Variants in RAP2A observed in about 807,000 individuals in gnomAD.
The protein encoded by RAP2A is RAP2A, member of RAS oncogene family.
Under a neutral mutation model 15.1 loss-of-function variants are expected in RAP2A, and 5 were observed. The observed-to-expected ratio is 0.33, with a 90% CI of 0.17 to 0.70. The LOEUF is 0.70. Among genes scored for constraint, RAP2A ranks in the 30% least tolerant of loss-of-function variants. The probability of loss-of-function intolerance (pLI) is 0.68; values close to 1 mark genes in which losing one functional copy is unlikely to be tolerated. For synonymous variants in RAP2A, 110 were observed against 99.7 expected (o/e 1.10, Z -0.62); for missense variants, 111 against 240.3 (o/e 0.46, Z 3.56).
chr13:97,435,314 A>G (rs1056422663), intron 1 of RAP2A, among the ~76,000 whole-genome samples: 1 of 152,210 alleles, frequency 6.6e-6, no homozygotes, highest in South Asian at 2.1e-4. Context: ...CTTTAAAGAC[A>G]GATTATTAAA....
intron 1 of RAP2A, among the ~76,000 whole-genome samples, chr13:97,458,758 A>G (rs2066734498): frequency 6.6e-6 from 1 of 152,156 alleles, no homozygotes; most frequent in African/African-American, 2.4e-5. Context: ...ACATATCAGG[A>G]CAGTTACAAG....
chr13:97,454,871 T>C lies in RAP2A; in HGVS notation c.315-9334T>C, dbSNP rs1026035578. Among the ~76,000 whole-genome samples, 9 of 151,420 alleles carry C rather than the reference T, an allele frequency of 5.9e-5. No homozygotes were observed. The East Asian group carries it at 1.7e-3, about 29-fold the overall frequency. On this transcript the variant is annotated intron_variant, in intron 1 of 1. Transcript: ENST00000245304. ...TATTTTCCTTTAGTTCTGAAGGATA[T>C]TTTTGCTGATACAGTATTCTGTGTT...
At position 97,434,386 on chromosome 13, in the gene RAP2A, C is replaced by CGCCGGG. The variant is rs1264193823; in HGVS notation, c.-76_-71dup. 3 of 996,730 alleles carry CGCCGGG rather than the reference C, an allele frequency of 3.0e-6. No individual in the cohort carries two copies. Among genetic ancestry groups the CGCCGGG allele is most frequent in the African/African-American group, 1.8e-5 (1 of 56,326 alleles). The allele number at this position is 996,730 out of a possible 1,614,324, so 61.7% of individuals were successfully genotyped here. A position where few individuals can be genotyped will look rare whatever the true frequency, so the allele number is the denominator to read the frequency against. On this transcript the variant is annotated 5_prime_UTR_variant, in exon 1 of 2. Coordinates refer to ENST00000245304, the MANE Select transcript of RAP2A (RefSeq NM_021033.7). ...GGCAGCGGGAGGCGGCGGGGCGGGCCGCCGGGGCCGGGGCTGGGGGCGCAG... is the reference window on the plus strand; with the variant it reads ...GGCAGCGGGAGGCGGCGGGGCGGGCCGCCGGGGCCGGGGCCGGGGCTGGGGGCGCAG...
rs1199519711 is a variant in RAP2A, at chr13:97,466,003, AGTGT to A, written c.*1566_*1569del. The A allele has an allele frequency of 6.6e-6, 1 of 152,256 alleles. No individual in the cohort carries two copies. The highest frequency in any genetic ancestry group is 1.9e-4 in the East Asian group (1 of 5,188). 9.4% of individuals were successfully genotyped at this position (152,256 alleles called of 1,614,324 possible). A position where few individuals can be genotyped will look rare whatever the true frequency, so the allele number is the denominator to read the frequency against. ...GTCTTACGTGTGTAACTGAGAGAAG[AGTGT>A]GTGTTTGTGTGTGCATGTGTGTTTA... is the stretch of plus-strand genomic sequence containing the variant. On this transcript the variant is annotated 3_prime_UTR_variant, in exon 2 of 2. Transcript: ENST00000245304.
intron 1 of RAP2A, among the ~76,000 whole-genome samples, chr13:97,463,731 A>C (rs940808946): frequency 7.2e-5 from 11 of 152,350 alleles, no homozygotes; most frequent in African/African-American, 2.6e-4. Flanking sequence ...CTGGAACTAC[A>C]GGCACCTGCC....
intron 1 of RAP2A, among the ~76,000 whole-genome samples, chr13:97,442,894 A>G (rs1261462929): frequency 6.6e-6 from 1 of 152,242 alleles, no homozygotes; most frequent in East Asian, 1.9e-4. Context: ...TCACTGAACA[A>G]AAAGATATAG....
chr13:97,441,471 T>C (rs921224339), intron 1 of RAP2A, among the ~76,000 whole-genome samples: 3 of 152,142 alleles, frequency 2.0e-5, no homozygotes, highest in African/African-American at 7.2e-5. Context: ...GTGTGTGAAG[T>C]TCTGGGAAAT....
intron 1 of RAP2A, among the ~76,000 whole-genome samples, chr13:97,456,645 T>C (rs2066724241): frequency 6.8e-6 from 1 of 147,462 alleles, no homozygotes; most frequent in Non-Finnish European, 1.5e-5. Context: ...TCAGTTTCTA[T>C]GAAAGCAGAT....
At chr13:97,439,584 C>T (rs2066647918) in intron 1 of RAP2A, among the ~76,000 whole-genome samples, 1 of 152,028 alleles carries the variant, frequency 6.6e-6, no homozygotes, top group Non-Finnish European at 1.5e-5. Flanking sequence ...AGATAGCCAG[C>T]CTAATAAGTA....
rs1358943294 is a variant in RAP2A, at chr13:97,465,600, T to G, written c.*1158T>G. ...GTGGAAGGTAAGGGACAAAAGCCTT[T>G]TACCTTTAATTTTCCTGGAGAATTA... is the stretch of plus-strand genomic sequence containing the variant. On this transcript the variant is annotated 3_prime_UTR_variant, in exon 2 of 2. Coordinates refer to ENST00000245304, the MANE Select transcript of RAP2A (RefSeq NM_021033.7). The G allele has an allele frequency of 6.6e-6, 1 of 152,602 alleles. No homozygotes were observed. The highest frequency in any genetic ancestry group is 2.4e-5 in the African/African-American group (1 of 41,456). The allele number at this position is 152,602 out of a possible 1,614,324, so 9.5% of individuals were successfully genotyped here.
At chr13:97,438,275 AC>A (rs1233844619) in intron 1 of RAP2A, among the ~76,000 whole-genome samples, 1 of 152,022 alleles carries the variant, frequency 6.6e-6, no homozygotes, top group Non-Finnish European at 1.5e-5. Flanking sequence ...CTTCAACATG[AC>A]CTTTCACAGT....
chr13:97,442,021 C>A (rs1028475670), intron 1 of RAP2A, among the ~76,000 whole-genome samples: 1 of 151,998 alleles, frequency 6.6e-6, no homozygotes, highest in African/African-American at 2.4e-5. Flanking sequence ...AAATTATTCT[C>A]AGCCTGACAG....
rs1594329559 is a variant in RAP2A, at chr13:97,464,351, A to G, written c.461A>G (p.Asp154Gly). The change falls in exon 2 of 2, where the codon GAC becomes GGC. Residue 154 changes from aspartate to glycine, a missense_variant. Physicochemically the swap from Asp to Gly is moderately conservative, Grantham distance 94. Coordinates refer to ENST00000245304, the MANE Select transcript of RAP2A (RefSeq NM_021033.7). ...TCCGCTAAGAGTAAAACAATGGTGG[A>G]CGAACTCTTTGCAGAAATTGTGAGG... ...ETSAKSKTMV[D>G]ELFAEIVRQM... The G allele has an allele frequency of 6.2e-7, 1 of 1,614,226 alleles. No homozygotes were observed. The highest frequency in any genetic ancestry group is 8.5e-7 in the Non-Finnish European group (1 of 1,180,030).
chr13:97,458,860 T>G lies in RAP2A; in HGVS notation c.315-5345T>G, dbSNP rs138656489. 5.5e-3 allele frequency among the ~76,000 whole-genome samples: 834 copies of G among 152,254 alleles called. 7 individuals carry two copies. Among genetic ancestry groups the G allele is most frequent in the African/African-American group, 0.019 (773 of 41,542 alleles). Reference sequence around the variant, plus strand: ...AAAAGCTGTCTCGGTGAGAAGCCCATTAACATTCTACAGCTAAGTGATGCT... The same window carrying G: ...AAAAGCTGTCTCGGTGAGAAGCCCAGTAACATTCTACAGCTAAGTGATGCT... On this transcript the variant is annotated intron_variant, in intron 1 of 1. Coordinates refer to ENST00000245304, the MANE Select transcript of RAP2A (RefSeq NM_021033.7).
At chr13:97,438,326 C>A (rs1410817989) in intron 1 of RAP2A, among the ~76,000 whole-genome samples, 1 of 152,160 alleles carries the variant, frequency 6.6e-6, no homozygotes, top group Non-Finnish European at 1.5e-5. Flanking sequence ...GCAGCCTCAC[C>A]TCTTGCACCC....
rs774322079 is a variant in RAP2A, at chr13:97,434,653, C to T, written c.183C>T (p.Thr61=). The change falls in exon 1 of 2, where the codon ACC becomes ACT. Residue 61 remains threonine, a synonymous_variant. Transcript: ENST00000245304. ...SVLEILDTAG[T]EQFASMRDLY... is the part of the protein sequence containing the mutation. ...TGGAGATCCTGGACACGGCGGGCAC[C>T]GAGCAGTTCGCGTCCATGCGGGACC... is the stretch of plus-strand genomic sequence containing the variant. 1 of 1,614,130 alleles carries T rather than the reference C, an allele frequency of 6.2e-7. No individual in the cohort carries two copies. The highest frequency in any genetic ancestry group is 8.5e-7 in the Non-Finnish European group (1 of 1,180,016).
chr13:97,444,669 A>G (rs1357080070), intron 1 of RAP2A, among the ~76,000 whole-genome samples: 1 of 152,180 alleles, frequency 6.6e-6, no homozygotes, highest in African/African-American at 2.4e-5. Flanking sequence ...TGCAGTATTG[A>G]GTTATACAGA....
intron 1 of RAP2A, among the ~76,000 whole-genome samples, chr13:97,450,445 T>G (rs1330657230): frequency 2.6e-5 from 4 of 152,172 alleles, no homozygotes; most frequent in African/African-American, 7.2e-5. Context: ...CCTCTTCCCC[T>G]TCGAGAGATG....
chr13:97,441,082 A>G (rs1456623487), intron 1 of RAP2A, among the ~76,000 whole-genome samples: 2 of 152,082 alleles, frequency 1.3e-5, no homozygotes, highest in Non-Finnish European at 2.9e-5. Context: ...CAGGATTGTA[A>G]TTTTTAAAGC....
Sources: allele counts gnomAD v4.1 joint callset (sites outside exome capture counted in the v4.1 genomes callset), GRCh38; gene constraint gnomAD v4.1.1; transcripts MANE v1.5; gene names NCBI Gene and HGNC (gene_info 2026-07-23, HGNC 2026-07-21).